Variants in SPAG16 observed in about 807,000 individuals in gnomAD.
SPAG16 encodes the protein sperm associated antigen 16.
SPAG16 carries 86 observed loss-of-function variants against 80.4 expected under a neutral mutation model. That is an observed-to-expected ratio of 1.07 (90% CI 0.90 to 1.28). The LOEUF is 1.28. SPAG16 is among the 50% of genes most tolerant of loss of function. The probability of loss-of-function intolerance (pLI) is 0.00; values close to 1 mark genes in which losing one functional copy is unlikely to be tolerated. For missense variants in SPAG16, 870 were observed against 765.3 expected (o/e 1.14, Z -1.61); for synonymous variants, 294 against 265.9 (o/e 1.11, Z -1.03).
At chr2:213,765,179 G>A (rs1465038818) in intron 10 of SPAG16, among the ~76,000 whole-genome samples, 2 of 152,192 alleles carry the variant, frequency 1.3e-5, no homozygotes, top group African/African-American at 4.8e-5. Flanking sequence ...GACCATCCTG[G>A]CCAACACGGT....
chr2:214,090,536 C>T (rs1408740114), intron 13 of SPAG16, among the ~76,000 whole-genome samples: 1 of 151,588 alleles, frequency 6.6e-6, no homozygotes, highest in African/African-American at 2.4e-5. Context: ...AAGATAGAAC[C>T]AATAAACCAA....
intron 15 of SPAG16, 38 bp downstream of exon 15, chr2:214,149,304 A>G (rs2055857802): frequency 6.2e-6 from 9 of 1,449,942 alleles, no homozygotes; most frequent in African/African-American, 1.4e-5. Flanking sequence ...GACTAAGCCA[A>G]TAACATTAAT....
At chr2:213,491,191 G>GTTCTAT in intron 10 of SPAG16, among the ~76,000 whole-genome samples, 1 of 152,100 alleles carries the variant, frequency 6.6e-6, no homozygotes, top group Non-Finnish European at 1.5e-5. Flanking sequence ...ATACCTTAGT[G>GTTCTAT]TTCTATTTCA....
chr2:214,391,260 G>A (rs1453978801), intron 15 of SPAG16, among the ~76,000 whole-genome samples: 2 of 152,078 alleles, frequency 1.3e-5, no homozygotes, highest in East Asian at 3.9e-4. Flanking sequence ...ATGATTTTGA[G>A]CAGTAAATTG....
chr2:213,731,746 A>G (rs1233030757), intron 10 of SPAG16, among the ~76,000 whole-genome samples: 3 of 152,300 alleles, frequency 2.0e-5, no homozygotes, highest in East Asian at 3.9e-4. Context: ...TTTGCTAAGT[A>G]TAATGTCCTC....
chr2:213,956,597 GC>G lies in SPAG16; in HGVS notation c.1400+26454del, dbSNP rs1254809639. ...CGAGTAACTGGGATTACAGGTGCAT[GC>G]CACGACGCCTGGCTAATTTTTGTAT... On this transcript the variant is annotated intron_variant, in intron 12 of 15. Transcript: ENST00000331683. 3.3e-5 allele frequency among the ~76,000 whole-genome samples: 5 copies of G among 151,158 alleles called. No individual in the cohort carries two copies. In the South Asian group the frequency reaches 1.1e-3, roughly 32 times the overall value.
intron 9 of SPAG16, among the ~76,000 whole-genome samples, chr2:213,382,257 C>A (rs550748514): frequency 5.3e-5 from 8 of 152,138 alleles, no homozygotes; most frequent in African/African-American, 1.7e-4. Context: ...TTTACATGTC[C>A]AGACTCATGT....
intron 8 of SPAG16, among the ~76,000 whole-genome samples, chr2:213,367,190 A>T (rs932765645): frequency 9.9e-5 from 15 of 151,804 alleles, no homozygotes; most frequent in African/African-American, 3.1e-4. Context: ...TCTATCATTG[A>T]TGGACATTTG....
At chr2:214,219,702 A>C (rs963831191) in intron 15 of SPAG16, among the ~76,000 whole-genome samples, 27 of 152,260 alleles carry the variant, frequency 1.8e-4, no homozygotes, top group African/African-American at 6.0e-4. Flanking sequence ...ATTTTATTCC[A>C]TAAAAGTCTC....
At chr2:214,229,164 A>C (rs962307798) in intron 15 of SPAG16, among the ~76,000 whole-genome samples, 1 of 150,706 alleles carries the variant, frequency 6.6e-6, no homozygotes, top group Non-Finnish European at 1.5e-5. Context: ...GGAAAAAAAA[A>C]AAGGATAATT....
intron 15 of SPAG16, among the ~76,000 whole-genome samples, chr2:214,161,039 G>A (rs11893546): frequency 0.18 from 27,425 of 151,976 alleles, 3,223 homozygotes; most frequent in African/African-American, 0.33. Context: ...ACTTATAAGT[G>A]AGAACATGAA....
chr2:213,523,331 G>A (rs1478759868), intron 10 of SPAG16, among the ~76,000 whole-genome samples: 1 of 152,150 alleles, frequency 6.6e-6, no homozygotes, highest in South Asian at 2.1e-4. Flanking sequence ...CCTTCCCAGC[G>A]ATGTGGAACT....
In SPAG16 at chr2:213,935,738, G is replaced by GT. The variant is rs1455843884; in HGVS notation, c.1400+5594dup. On this transcript the variant is annotated intron_variant, in intron 12 of 15. Transcript: ENST00000331683. ...CTGATAGGAATGAGTTTTGCTCATT[G>GT]TAGTTAAGCTGATGGAATAAAAACA... is the stretch of plus-strand genomic sequence containing the variant. 2.6e-5 allele frequency among the ~76,000 whole-genome samples: 4 copies of GT among 152,292 alleles called. No individual in the cohort carries two copies. The East Asian group carries it at 7.7e-4, about 29-fold the overall frequency.
chr2:213,937,831 T>TA (rs2079048866), intron 12 of SPAG16, among the ~76,000 whole-genome samples: 1 of 152,014 alleles, frequency 6.6e-6, no homozygotes. Context: ...ATGGCTCAAG[T>TA]AAGTGTCCAC....
At chr2:213,337,571 G>A (rs10175505) in intron 5 of SPAG16, among the ~76,000 whole-genome samples, 150,323 of 152,302 alleles carry the variant, frequency 0.99, 74,214 homozygotes, top group East Asian at 1. Context: ...GAACTTCACA[G>A]TGCAATAACA....
intron 14 of SPAG16, among the ~76,000 whole-genome samples, chr2:214,121,229 G>A (rs2054205381): frequency 6.6e-6 from 1 of 151,774 alleles, no homozygotes; most frequent in African/African-American, 2.4e-5. Context: ...ATAAATGAAT[G>A]CTGAATTCGG....
intron 10 of SPAG16, among the ~76,000 whole-genome samples, chr2:213,593,135 A>G (rs1056750845): frequency 5.9e-5 from 9 of 152,124 alleles, no homozygotes; most frequent in Non-Finnish European, 1.0e-4. Context: ...AGATTAGCCA[A>G]TGTCTTTTCC....
At position 214,355,411 on chromosome 2, in the gene SPAG16, C is replaced by T. The variant is rs1303689998; in HGVS notation, c.1721-54729C>T. On this transcript the variant is annotated intron_variant, in intron 15 of 15. Transcript: ENST00000331683. The stretch of plus-strand genomic sequence containing the variant: ...AGAAGACATTTATGCAGCCAAAAAA[C>T]ACATGAAAAAATGTTCACCATCACT... 1.8e-4 allele frequency among the ~76,000 whole-genome samples: 26 copies of T among 144,166 alleles called. No individual in the cohort carries two copies. The East Asian group carries it at 4.6e-3, about 25-fold the overall frequency. 94.6% of individuals were successfully genotyped at this position (144,166 alleles called of 152,430 possible).
intron 13 of SPAG16, among the ~76,000 whole-genome samples, chr2:214,063,050 A>C (rs2050357169): frequency 6.6e-6 from 1 of 152,224 alleles, no homozygotes; most frequent in African/African-American, 2.4e-5. Context: ...AACCAGTATA[A>C]AAATTCAACA....
Sources: gnomAD v4.1 joint callset for allele counts (sites outside exome capture counted in the v4.1 genomes callset) on GRCh38, gnomAD v4.1.1 for gene constraint, MANE v1.5 for transcripts, NCBI Gene and HGNC (gene_info 2026-07-23, HGNC 2026-07-21) for gene names.